NTM: variants seen among roughly 807,000 people sequenced by gnomAD.
NTM encodes the protein IgLON family member 2.
A neutral mutation model predicts 42.1 loss-of-function variants in NTM; 13 were observed. The ratio of observed to expected loss-of-function variants is 0.31; its 90% confidence interval spans 0.20 to 0.49. NTM has a LOEUF of 0.49. Among genes scored for constraint, NTM ranks in the 20% least tolerant of loss-of-function variants. The pLI is 0.99. For missense variants in NTM, 373 were observed against 452.8 expected, an observed-to-expected ratio of 0.82 and a Z score of 1.60; for synonymous variants, 187 against 179.2, an observed-to-expected ratio of 1.04 and a Z score of -0.35.
intron 1 of NTM, among the ~76,000 whole-genome samples, chr11:131,824,407 C>T (rs2041890978): frequency 6.6e-6 from 1 of 152,076 alleles, no homozygotes; most frequent in African/African-American, 2.4e-5. Context: ...AGTAATAGCC[C>T]CCACTCTCAA....
chr11:131,788,282 A>G (rs1320834401), intron 1 of NTM, among the ~76,000 whole-genome samples: 3 of 152,052 alleles, frequency 2.0e-5, no homozygotes, highest in Non-Finnish European at 2.9e-5. Context: ...ACTTAAAAAA[A>G]TTTATTACTC....
intron 1 of NTM, among the ~76,000 whole-genome samples, chr11:131,720,524 G>C (rs539764673): frequency 6.6e-6 from 1 of 152,140 alleles, no homozygotes; most frequent in Admixed American, 6.5e-5. Context: ...GATGAAAGAG[G>C]CAGGAGAATA....
intron 4 of NTM, among the ~76,000 whole-genome samples, chr11:132,240,897 A>G (rs79638692): frequency 4.4e-4 from 67 of 152,338 alleles, no homozygotes; most frequent in African/African-American, 1.6e-3. Context: ...AGAAAATCCA[A>G]AATCAGAAAT....
At chr11:132,174,003 G>C (rs1426451224) in intron 3 of NTM, among the ~76,000 whole-genome samples, 1 of 152,160 alleles carries the variant, frequency 6.6e-6, no homozygotes, top group Non-Finnish European at 1.5e-5. Flanking sequence ...ACTCTCTTTA[G>C]GCTTGGACCA....
intron 1 of NTM, among the ~76,000 whole-genome samples, chr11:131,400,363 A>G (rs1945004162): frequency 6.6e-6 from 1 of 152,144 alleles, no homozygotes; most frequent in East Asian, 1.9e-4. Context: ...TCAAACACAA[A>G]GCACCAGAGG....
chr11:131,502,129 A>G (rs921723784), intron 1 of NTM, among the ~76,000 whole-genome samples: 2 of 151,936 alleles, frequency 1.3e-5, no homozygotes. Context: ...TGAGGTCCCA[A>G]TGTCTGTGTC....
intron 2 of NTM, among the ~76,000 whole-genome samples, chr11:132,031,551 A>G (rs1426516557): frequency 6.6e-6 from 1 of 152,188 alleles, no homozygotes; most frequent in East Asian, 1.9e-4. Context: ...AGATGGGTCA[A>G]GGAGGTCTTC....
chr11:132,232,393 T>C (rs1460968939), intron 4 of NTM, among the ~76,000 whole-genome samples: 3 of 152,200 alleles, frequency 2.0e-5, no homozygotes, highest in African/African-American at 7.2e-5. Context: ...GGCACACTGC[T>C]GGGACAGGAC....
intron 1 of NTM, among the ~76,000 whole-genome samples, chr11:131,808,761 G>A (rs1211169522): frequency 1.3e-5 from 2 of 152,150 alleles, no homozygotes; most frequent in Admixed American, 6.5e-5. Context: ...GCACAAATAG[G>A]AGGGGGAATA....
intron 7 of NTM, among the ~76,000 whole-genome samples, chr11:132,320,912 C>G (rs7950497): frequency 0.033 from 4,809 of 147,954 alleles, 213 homozygotes; most frequent in African/African-American, 0.094. Context: ...CCCAGCAGGG[C>G]CACACTGACA....
At chr11:131,385,009 A>G (rs746525505) in intron 1 of NTM, among the ~76,000 whole-genome samples, 1 of 152,284 alleles carries the variant, frequency 6.6e-6, no homozygotes, top group South Asian at 2.1e-4. Flanking sequence ...GCCAGAGTGG[A>G]ATGAGGGAGA....
At chr11:132,228,239 G>A (rs1592363032) in intron 4 of NTM, among the ~76,000 whole-genome samples, 1 of 152,134 alleles carries the variant, frequency 6.6e-6, no homozygotes, top group African/African-American at 2.4e-5. Flanking sequence ...GCTCTACGTA[G>A]GTCCATGCCC....
chr11:131,725,613 C>T (rs771214434), intron 1 of NTM, among the ~76,000 whole-genome samples: 2 of 152,092 alleles, frequency 1.3e-5, no homozygotes, highest in Non-Finnish European at 2.9e-5. Context: ...AAGGACGTCA[C>T]AGTAGCTGGA....
intron 2 of NTM, among the ~76,000 whole-genome samples, chr11:131,928,524 C>T (rs1479496759): frequency 2.6e-5 from 4 of 151,522 alleles, no homozygotes; most frequent in Admixed American, 2.0e-4. Flanking sequence ...TGTGGTCTCC[C>T]GTCTGTGTTT....
intron 1 of NTM, among the ~76,000 whole-genome samples, chr11:131,744,312 C>T (rs1330050650): frequency 6.6e-6 from 1 of 152,156 alleles, no homozygotes; most frequent in Non-Finnish European, 1.5e-5. Context: ...TTCTTGTAGA[C>T]TATATTCTTA....
intron 1 of NTM, among the ~76,000 whole-genome samples, chr11:131,458,800 C>T (rs1304619571): frequency 6.6e-6 from 1 of 152,240 alleles, no homozygotes; most frequent in Non-Finnish European, 1.5e-5. Flanking sequence ...ACTTAGTTCA[C>T]ATCAAGTCAC....
At chr11:131,411,021 CTT>C (rs1946342896) in intron 1 of NTM, among the ~76,000 whole-genome samples, 1 of 152,220 alleles carries the variant, frequency 6.6e-6, no homozygotes, top group African/African-American at 2.4e-5. Flanking sequence ...CTGCCAGACA[CTT>C]ATACCACATA....
chr11:132,226,628 C>T (rs1368701379), intron 4 of NTM, among the ~76,000 whole-genome samples: 1 of 151,846 alleles, frequency 6.6e-6, no homozygotes, highest in African/African-American at 2.4e-5. Context: ...TTACTTTAAC[C>T]ATGAAGAGAA....
intron 1 of NTM, among the ~76,000 whole-genome samples, chr11:131,671,824 A>G (rs1328592180): frequency 6.6e-6 from 1 of 152,072 alleles, no homozygotes; most frequent in Non-Finnish European, 1.5e-5. Context: ...GGAGGCAATG[A>G]TATTTGTTGG....
Sources: allele counts gnomAD v4.1 joint callset (sites outside exome capture counted in the v4.1 genomes callset), GRCh38; gene constraint gnomAD v4.1.1; transcripts MANE v1.5; gene names NCBI Gene and HGNC (gene_info 2026-07-23, HGNC 2026-07-21).